The following ATP1A1 variants were observed in gnomAD, a reference collection of about 807,000 sequenced individuals.
The protein encoded by ATP1A1 is sodium/potassium-transporting ATPase subunit alpha-1.
Under a neutral mutation model 114.8 loss-of-function variants are expected in ATP1A1, and 14 were observed. The observed-to-expected ratio is 0.12, with a 90% CI of 0.08 to 0.19. The LOEUF (loss-of-function observed/expected upper bound fraction) is 0.19, where lower values mean the gene tolerates loss of function less well. Among genes scored for constraint, ATP1A1 ranks in the 10% least tolerant of loss-of-function variants. The pLI, the probability that ATP1A1 is intolerant of heterozygous loss-of-function variation, is 1.00. For synonymous variants in ATP1A1, 471 were observed against 466.3 expected (o/e 1.01, Z -0.13); for missense variants, 524 against 1,290.7 (o/e 0.41, Z 9.10).
At chr1:116,374,106 C>G in intron 1 of ATP1A1, 1 of 1,490,282 alleles carries the variant, frequency 6.7e-7, no homozygotes, top group Admixed American at 2.2e-5. Context: ...CCTGGGGACG[C>G]TGGGGCTTAG....
intron 1 of ATP1A1, among the ~76,000 whole-genome samples, chr1:116,380,592 T>G (rs1418377503): frequency 6.6e-6 from 1 of 152,078 alleles, no homozygotes; most frequent in Non-Finnish European, 1.5e-5. Context: ...AATGGCTAAT[T>G]GCCAAAAAAG....
In ATP1A1 at chr1:116,385,072, T is replaced by G. The variant is rs1006616800; in HGVS notation, c.183+230T>G. ...TTTTCTTTTCCCTATTTTATAGCAGTTGAGAGCCAGTAAGTGGGAACACCA... is the reference window on the plus strand; with the variant it reads ...TTTTCTTTTCCCTATTTTATAGCAGGTGAGAGCCAGTAAGTGGGAACACCA... On this transcript the variant is annotated intron_variant, in intron 3 of 22. Coordinates refer to ENST00000295598, the MANE Select transcript of ATP1A1 (RefSeq NM_000701.8). The surrounding 1 kb of genome is among the most constrained non-coding windows in gnomAD (Gnocchi z 4.3). The G allele has an allele frequency of 1.9e-5, 9 of 479,896 alleles. No individual in the cohort carries two copies. Among genetic ancestry groups the G allele is most frequent in the African/African-American group, 1.8e-4 (9 of 48,950 alleles). 29.7% of individuals were successfully genotyped at this position (479,896 alleles called of 1,614,324 possible). A position where few individuals can be genotyped will look rare whatever the true frequency, so the allele number is the denominator to read the frequency against.
At position 116,395,474 on chromosome 1, in the gene ATP1A1, C is replaced by T. The variant is rs534588078; in HGVS notation, c.1836+189C>T. On this transcript the variant is annotated intron_variant, in intron 13 of 22. Coordinates refer to ENST00000295598, the MANE Select transcript of ATP1A1 (RefSeq NM_000701.8). This position sits in a 1 kb window ranked among gnomAD's most constrained non-coding sequence, Gnocchi z 6.4. ...ATTAAAATATGATGGTGTAAACACA[C>T]GAGGAATTAAAAATTTTTTGGAAAG... Among the ~76,000 whole-genome samples the T allele has an allele frequency of 3.9e-5, 6 of 151,900 alleles. No homozygotes were observed. The East Asian group carries it at 1.2e-3, about 29-fold the overall frequency.
chr1:116,376,450 C>T (rs981992384), intron 1 of ATP1A1, among the ~76,000 whole-genome samples: 4 of 152,158 alleles, frequency 2.6e-5, no homozygotes, highest in Admixed American at 2.0e-4. Context: ...GAAAGTTGCC[C>T]GGGCCTGGCC....
chr1:116,379,738 G>T (rs1651618919), intron 1 of ATP1A1, among the ~76,000 whole-genome samples: 1 of 152,320 alleles, frequency 6.6e-6, no homozygotes, highest in South Asian at 2.1e-4. Flanking sequence ...TTTGTGTAGT[G>T]CTTTGAGAAT....
In ATP1A1 at chr1:116,384,700, A is replaced by T; in HGVS notation, c.124-83A>T. 8.4e-7 allele frequency: 1 copy of T among 1,183,508 alleles called. No homozygotes were observed. Among genetic ancestry groups the T allele is most frequent in the Non-Finnish European group, 1.2e-6 (1 of 821,172 alleles). The allele number at this position is 1,183,508 out of a possible 1,614,324, so 73.3% of individuals were successfully genotyped here. On this transcript the variant is annotated intron_variant, in intron 2 of 22. Coordinates refer to ENST00000295598, the MANE Select transcript of ATP1A1 (RefSeq NM_000701.8). The surrounding 1 kb of genome is among the most constrained non-coding windows in gnomAD (Gnocchi z 5.1). The stretch of plus-strand genomic sequence containing the variant: ...TGCACTTTGTTTAATAAGCTTAATG[A>T]TAGTAATGAATAATGCTATTTTTTC...
At chr1:116,386,196 A>G (rs1296364136) in intron 3 of ATP1A1, 2 of 151,792 alleles carry the variant, frequency 1.3e-5, no homozygotes, top group East Asian at 3.8e-4. Flanking sequence ...TTCTTGACAC[A>G]AGCACTTTAA....
Position 116,401,965 on chromosome 1 carries a change from T to A in ATP1A1, c.2951+310T>A. 3.3e-6 allele frequency: 1 copy of A among 307,436 alleles called. No individual in the cohort carries two copies. The highest frequency in any genetic ancestry group is 6.0e-6 in the Non-Finnish European group (1 of 168,034). The allele number at this position is 307,436 out of a possible 1,614,324, so 19.0% of individuals were successfully genotyped here. A position where few individuals can be genotyped will look rare whatever the true frequency, so the allele number is the denominator to read the frequency against. On this transcript the variant is annotated intron_variant, in intron 21 of 22. Coordinates refer to ENST00000295598, the MANE Select transcript of ATP1A1 (RefSeq NM_000701.8). This position sits in a 1 kb window ranked among gnomAD's most constrained non-coding sequence, Gnocchi z 4.7. ...AGGTCTGCCACAGCTGTAGTCCAGTTGTCTTTAGAGGCCAACTGGGGGTAT... is the reference window on the plus strand; with the variant it reads ...AGGTCTGCCACAGCTGTAGTCCAGTAGTCTTTAGAGGCCAACTGGGGGTAT...
At chr1:116,373,953 T>C in intron 1 of ATP1A1, 4 of 1,346,250 alleles carry the variant, frequency 3.0e-6, no homozygotes, top group Non-Finnish European at 3.8e-6. Context: ...TCTCCTTCCT[T>C]TTCCCTCCGC....
At chr1:116,402,426 C>G (rs999815172) in intron 21 of ATP1A1, among the ~76,000 whole-genome samples, 2 of 152,192 alleles carry the variant, frequency 1.3e-5, no homozygotes, top group African/African-American at 4.8e-5. Flanking sequence ...CTGTCCTCAT[C>G]CTTGCTCAGA....
intron 13 of ATP1A1, 119 bp from the exon 14 acceptor site, chr1:116,396,479 C>T: frequency 1.6e-6 from 2 of 1,277,818 alleles, no homozygotes; most frequent in African/African-American, 1.5e-5. Context: ...ATTTGCATTC[C>T]TTTCCTTTTG....
In ATP1A1 at chr1:116,399,003, G is replaced by A. The variant is rs200315945; in HGVS notation, c.2367G>A (p.Pro789=). 3.0e-5 allele frequency: 49 copies of A among 1,614,078 alleles called. No homozygotes were observed. The East Asian group carries it at 3.8e-4, about 12-fold the overall frequency. The change falls in exon 17 of 23, where the codon CCG becomes CCA. Residue 789 remains proline (P), a synonymous_variant. Coordinates refer to ENST00000295598, the MANE Select transcript of ATP1A1 (RefSeq NM_000701.8). This position sits in a 1 kb window ranked among gnomAD's most constrained non-coding sequence, Gnocchi z 5.0. ...CCAGTAACATTCCCGAGATCACCCC[G>A]TTCCTGATATTTATTATTGCAAACA... The part of the protein sequence containing the change: ...TLTSNIPEIT[P]FLIFIIANIP...
chr1:116,373,958 C>T (rs745481832), intron 1 of ATP1A1: 302 of 1,354,072 alleles, frequency 2.2e-4, no homozygotes, highest in Non-Finnish European at 2.8e-4. Flanking sequence ...TTCCTTTTCC[C>T]TCCGCCCTCC....
intron 13 of ATP1A1, among the ~76,000 whole-genome samples, chr1:116,396,339 A>G (rs1179079672): frequency 7.9e-6 from 1 of 126,720 alleles, no homozygotes; most frequent in Non-Finnish European, 1.6e-5. Flanking sequence ...GTAACTCTGT[A>G]GAAGGAAAAA....
rs762935446 is a variant in ATP1A1 at position 116,404,484 on chromosome 1, T to C, written c.*40T>C. 2 of 1,586,980 alleles carry C rather than the reference T, an allele frequency of 1.3e-6. No homozygotes were observed. The highest frequency in any genetic ancestry group is 1.4e-5 in the African/African-American group (1 of 72,852). ...CGCCGTGGAGCATCAGGCCACACAC[T>C]CTGCATCCGACACCCACCCCCTCTT... On this transcript the variant is annotated 3_prime_UTR_variant, in exon 23 of 23. Coordinates refer to ENST00000295598, the MANE Select transcript of ATP1A1 (RefSeq NM_000701.8). The surrounding 1 kb of genome is among the most constrained non-coding windows in gnomAD (Gnocchi z 4.8).
At position 116,386,162 on chromosome 1, in the gene ATP1A1, AGAAGAACAAGGTTG is replaced by A. The variant is rs1652075447; in HGVS notation, c.184-1125_184-1112del. 3 of 140,494 alleles carry A rather than the reference AGAAGAACAAGGTTG, an allele frequency of 2.1e-5. No individual in the cohort carries two copies. In the Admixed American group the frequency reaches 2.2e-4, roughly 10 times the overall value. 8.7% of individuals were successfully genotyped at this position (140,494 alleles called of 1,614,324 possible). A position where few individuals can be genotyped will look rare whatever the true frequency, so the allele number is the denominator to read the frequency against. ...AAAAAAAAAAAAAAAAAAAAAGGAG[AGAAGAACAAGGTTG>A]AGAGCGTTTTTCTTGACACAAGCAC... On this transcript the variant is annotated intron_variant, in intron 3 of 22. Transcript: ENST00000295598.
rs1553191580 is a variant in ATP1A1, at chr1:116,392,840, G to A, written c.1333-14G>A. 1.9e-6 allele frequency: 3 copies of A among 1,595,494 alleles called. No homozygotes were observed. Among genetic ancestry groups the A allele is most frequent in the African/African-American group, 1.4e-5 (1 of 73,924 alleles). ...TTTTTGGAGATAATTTACAGATGAT[G>A]TCTCTGTTCACAGCGGGCAGTTGCA... On this transcript the variant is annotated splice_polypyrimidine_tract_variant and intron_variant, in intron 10 of 22. Coordinates refer to ENST00000295598, the MANE Select transcript of ATP1A1 (RefSeq NM_000701.8).
Position 116,384,526 on chromosome 1 carries a change from T to C in ATP1A1, c.124-257T>C, listed in dbSNP as rs142973075. Among the ~76,000 whole-genome samples, 180 of 152,268 alleles carry C rather than the reference T, an allele frequency of 1.2e-3. No homozygotes were observed. The highest frequency in any genetic ancestry group is 4.2e-3 in the African/African-American group (173 of 41,542). Reference sequence around the variant, plus strand: ...CTAGATCCCTGAGAGCTGCTGGGTTTCTCTGAAGTGTTATGGCAAATAGTA... The same window carrying C: ...CTAGATCCCTGAGAGCTGCTGGGTTCCTCTGAAGTGTTATGGCAAATAGTA... On this transcript the variant is annotated intron_variant, in intron 2 of 22. Coordinates refer to ENST00000295598, the MANE Select transcript of ATP1A1 (RefSeq NM_000701.8). The surrounding 1 kb of genome is among the most constrained non-coding windows in gnomAD (Gnocchi z 5.1).
At chr1:116,374,836 G>A (rs2101027260) in intron 1 of ATP1A1, among the ~76,000 whole-genome samples, 1 of 152,286 alleles carries the variant, frequency 6.6e-6, no homozygotes, top group African/African-American at 2.4e-5. Context: ...GGGAGCAGAG[G>A]GAGGCTGCAC....
Sources: gnomAD v4.1 joint callset for allele counts (sites outside exome capture counted in the v4.1 genomes callset) on GRCh38, gnomAD v4.1.1 for gene constraint, Gnocchi (gnomAD v3.1) non-coding constraint, MANE v1.5 for transcripts, NCBI Gene and HGNC (gene_info 2026-07-23, HGNC 2026-07-21) for gene names.